The following CEP112 variants were observed in gnomAD, a reference collection of about 807,000 sequenced individuals.
CEP112 encodes centrosomal protein of 112 kDa.
CEP112 carries 127 observed loss-of-function variants against 153.0 expected under a neutral mutation model. The observed-to-expected ratio is 0.83, with a 90% CI of 0.72 to 0.96. The LOEUF is 0.96. CEP112 is among the 40% of genes least tolerant of loss of function. The pLI, the probability that CEP112 is intolerant of heterozygous loss-of-function variation, is 0.00. For missense variants in CEP112, 1,089 were observed against 1,101.2 expected, an observed-to-expected ratio of 0.99 and a Z score of 0.16; for synonymous variants, 358 against 374.4, an observed-to-expected ratio of 0.96 and a Z score of 0.51.
chr17:65,650,548 A>T (rs2045693321), intron 24 of CEP112, among the ~76,000 whole-genome samples: 1 of 151,748 alleles, frequency 6.6e-6, no homozygotes, highest in Non-Finnish European at 1.5e-5. Context: ...GGCCTCACTC[A>T]CCACTTGGGT....
intron 24 of CEP112, among the ~76,000 whole-genome samples, chr17:65,648,244 G>A (rs995969827): frequency 2.6e-5 from 4 of 152,030 alleles, no homozygotes; most frequent in Non-Finnish European, 4.4e-5. Flanking sequence ...TCTCCACCAC[G>A]GTTACTTCTC....
intron 8 of CEP112, among the ~76,000 whole-genome samples, chr17:66,087,527 T>C (rs1321241910): frequency 1.3e-5 from 2 of 152,198 alleles, no homozygotes; most frequent in African/African-American, 4.8e-5. Flanking sequence ...TCAACAGTTT[T>C]TGTAACACCA....
At chr17:66,129,031 A>G (rs2069998526) in intron 6 of CEP112, among the ~76,000 whole-genome samples, 1 of 152,178 alleles carries the variant, frequency 6.6e-6, no homozygotes, top group Admixed American at 6.5e-5. Context: ...AATCATTCTA[A>G]GCACTTTTTG....
intron 12 of CEP112, among the ~76,000 whole-genome samples, chr17:66,031,473 G>GT (rs373101324): frequency 0.016 from 1,899 of 119,976 alleles, 17 homozygotes; most frequent in East Asian, 0.065. Flanking sequence ...GTTTTGTTTT[G>GT]TTTTTTTTTT....
At chr17:65,927,080 A>G (rs2060952991) in intron 19 of CEP112, among the ~76,000 whole-genome samples, 1 of 151,736 alleles carries the variant, frequency 6.6e-6, no homozygotes, top group Non-Finnish European at 1.5e-5. Flanking sequence ...CCCCTTGGTG[A>G]TAAGTGAGCT....
intron 4 of CEP112, among the ~76,000 whole-genome samples, chr17:66,152,195 T>C (rs1201337356): frequency 6.6e-6 from 1 of 152,108 alleles, no homozygotes; most frequent in African/African-American, 2.4e-5. Flanking sequence ...AAGAGGTCAT[T>C]AGTAGGAATC....
chr17:65,936,801 T>TC (rs1568256193), intron 18 of CEP112, among the ~76,000 whole-genome samples: 1 of 90,812 alleles, frequency 1.1e-5, no homozygotes, highest in Admixed American at 1.5e-4. Flanking sequence ...CCTCTCCCCC[T>TC]CCCCCTCCCC....
intron 16 of CEP112, among the ~76,000 whole-genome samples, chr17:66,014,333 G>A (rs1240109002): frequency 6.6e-6 from 1 of 152,168 alleles, no homozygotes; most frequent in Non-Finnish European, 1.5e-5. Flanking sequence ...GAGCATCTGA[G>A]TCTGCACTGT....
intron 12 of CEP112, among the ~76,000 whole-genome samples, chr17:66,046,818 G>GAA (rs2066230012): frequency 6.6e-6 from 1 of 151,306 alleles, no homozygotes; most frequent in African/African-American, 2.4e-5. Flanking sequence ...AATGTTGACA[G>GAA]CAGGACTGCC....
intron 17 of CEP112, among the ~76,000 whole-genome samples, chr17:65,972,215 G>T (rs1015597632): frequency 6.6e-6 from 1 of 152,158 alleles, no homozygotes; most frequent in East Asian, 1.9e-4. Context: ...TGTGATCATT[G>T]TGAAATTAAA....
chr17:65,826,779 A>G (rs938816295), intron 21 of CEP112, among the ~76,000 whole-genome samples: 1 of 152,230 alleles, frequency 6.6e-6, no homozygotes, highest in Non-Finnish European at 1.5e-5. Context: ...GAAATGAACT[A>G]GCATATTTTT....
chr17:65,650,988 T>C (rs2045742296), intron 24 of CEP112, among the ~76,000 whole-genome samples: 1 of 152,064 alleles, frequency 6.6e-6, no homozygotes, highest in Non-Finnish European at 1.5e-5. Context: ...TTTGGTTACA[T>C]GGGTAAGTTC....
chr17:65,843,092 C>G (rs1016945203), intron 21 of CEP112, among the ~76,000 whole-genome samples: 1 of 152,056 alleles, frequency 6.6e-6, no homozygotes, highest in African/African-American at 2.4e-5. Flanking sequence ...CTGTCATAGT[C>G]AAGAAAGCTT....
At chr17:66,149,002 T>C (rs1208311773) in intron 4 of CEP112, among the ~76,000 whole-genome samples, 3 of 152,216 alleles carry the variant, frequency 2.0e-5, no homozygotes, top group Non-Finnish European at 2.9e-5. Context: ...GGTAATTTCC[T>C]TATCTTCCCA....
intron 12 of CEP112, among the ~76,000 whole-genome samples, chr17:66,041,016 A>G (rs1332704181): frequency 6.6e-6 from 1 of 152,078 alleles, no homozygotes; most frequent in Non-Finnish European, 1.5e-5. Flanking sequence ...AATGATGTGA[A>G]GGTTCAAGAT....
chr17:65,918,682 GT>G (rs1242433596), intron 19 of CEP112, among the ~76,000 whole-genome samples: 2 of 152,176 alleles, frequency 1.3e-5, no homozygotes, highest in Non-Finnish European at 2.9e-5. Context: ...AATGAGGTTT[GT>G]GAAAAGACAA....
intron 25 of CEP112, among the ~76,000 whole-genome samples, chr17:65,639,454 T>C (rs988758274): frequency 3.3e-5 from 5 of 151,880 alleles, no homozygotes; most frequent in African/African-American, 7.3e-5. Context: ...GGTGGGCGAA[T>C]TGCTTGAGGT....
chr17:65,863,443 C>T (rs1188352214), intron 20 of CEP112, among the ~76,000 whole-genome samples: 3 of 152,026 alleles, frequency 2.0e-5, no homozygotes, highest in Admixed American at 6.6e-5. Flanking sequence ...GTCATGAGCA[C>T]GACGGGTTCA....
At position 65,640,154 on chromosome 17, in the gene CEP112, A is replaced by ATATATATT. The variant is rs1300751452; in HGVS notation, c.2799+809_2799+810insAATATATA. 2.5e-3 allele frequency among the ~76,000 whole-genome samples: 198 copies of ATATATATT among 78,332 alleles called. 6 individuals are homozygous for ATATATATT. Among genetic ancestry groups the ATATATATT allele is most frequent in the African/African-American group, 0.013 (178 of 14,218 alleles). The allele number at this position is 78,332 out of a possible 152,430, so 51.4% of individuals were successfully genotyped here. On this transcript the variant is annotated intron_variant, in intron 25 of 26. Transcript: ENST00000535342. ...CACCCGACCATATATATATATATAT[A>ATATATATT]TTTTTTTTTTTTTTTTTTTGAGACA...
Sources: allele counts gnomAD v4.1 joint callset (sites outside exome capture counted in the v4.1 genomes callset), GRCh38; gene constraint gnomAD v4.1.1; transcripts MANE v1.5; gene names NCBI Gene and HGNC (gene_info 2026-07-23, HGNC 2026-07-21).